The following CAMKK2 variants were observed in gnomAD, a reference collection of about 807,000 sequenced individuals.
CAMKK2 encodes calcium/calmodulin dependent protein kinase kinase 2.
In CAMKK2, 30 loss-of-function variants were observed where a neutral mutation model predicts 67.2. The ratio of observed to expected loss-of-function variants is 0.45; its 90% confidence interval spans 0.33 to 0.61. The LOEUF (loss-of-function observed/expected upper bound fraction) is 0.61, where lower values mean the gene tolerates loss of function less well. Among genes scored for constraint, CAMKK2 ranks in the 20% least tolerant of loss-of-function variants. The pLI is 0.02. For missense variants in CAMKK2, 643 were observed against 802.0 expected (o/e 0.80, Z 2.39); for synonymous variants, 322 against 326.2 (o/e 0.99, Z 0.14).
At chr12:121,286,301 T>G (rs1593495622) in intron 1 of CAMKK2, among the ~76,000 whole-genome samples, 1 of 152,174 alleles carries the variant, frequency 6.6e-6, no homozygotes, top group African/African-American at 2.4e-5. Context: ...CAACTTGACT[T>G]CCAACACTGC....
intron 5 of CAMKK2, among the ~76,000 whole-genome samples, chr12:121,265,353 AG>A (rs1894314805): frequency 1.5e-5 from 2 of 137,352 alleles, no homozygotes; most frequent in Non-Finnish European, 3.1e-5. Flanking sequence ...AGCTGGAGAG[AG>A]GGGAAAGTGG....
intron 7 of CAMKK2, among the ~76,000 whole-genome samples, chr12:121,256,532 A>G (rs1314506064): frequency 1.3e-5 from 2 of 152,000 alleles, no homozygotes; most frequent in Non-Finnish European, 2.9e-5. Context: ...AAAACCTCAT[A>G]CCCATTAGCA....
At chr12:121,251,341 G>T (rs550695351) in intron 11 of CAMKK2, among the ~76,000 whole-genome samples, 44 of 152,240 alleles carry the variant, frequency 2.9e-4, no homozygotes, top group Admixed American at 7.9e-4. Flanking sequence ...GTGTTCACTG[G>T]ACACTTCTTC....
chr12:121,249,543 C>T (rs534489789), intron 13 of CAMKK2, among the ~76,000 whole-genome samples: 2 of 152,296 alleles, frequency 1.3e-5, no homozygotes, highest in Admixed American at 1.3e-4. Flanking sequence ...CATCAGCCCA[C>T]GCCAATCAGA....
rs535748118 is a variant in CAMKK2 at position 121,245,293 on chromosome 12, C to T, written c.1453-53G>A. ...AGGCAACTGCTTGGCCATGTGGGGG[C>T]GATTCTGGGCAACATCCTCCCTCTT... On this transcript the variant is annotated intron_variant, in intron 14 of 16. Coordinates refer to ENST00000404169, the MANE Select transcript of CAMKK2 (RefSeq NM_001270485.2). This position sits in a 1 kb window ranked among gnomAD's most constrained non-coding sequence, Gnocchi z 5.8. 19 of 1,116,928 alleles carry T rather than the reference C, an allele frequency of 1.7e-5. No individual in the cohort carries two copies. The highest frequency in any genetic ancestry group is 1.9e-4 in the Middle Eastern group (1 of 5,144). The allele number at this position is 1,116,928 out of a possible 1,614,324, so 69.2% of individuals were successfully genotyped here.
At chr12:121,291,788 T>C (rs926306920) in intron 1 of CAMKK2, among the ~76,000 whole-genome samples, 2 of 151,202 alleles carry the variant, frequency 1.3e-5, no homozygotes, top group African/African-American at 4.8e-5. Context: ...CTGGGCATGG[T>C]GGCTCACGCC....
rs202020611 is a variant in CAMKK2, at chr12:121,263,812, C to T, written c.753G>A (p.Leu251=). The stretch of plus-strand genomic sequence containing the variant: ...GGCGCCTCCACCCTTTTACCTCCAC[C>T]AGCTTCACCACATTGGGGTGGTCCA... The part of the protein sequence containing the change: ...KKLDHPNVVK[L]VEVLDDPNED... The change falls in exon 6 of 17, where the codon CTG becomes CTA. Residue 251 remains leucine, a synonymous_variant. Coordinates refer to ENST00000404169, the MANE Select transcript of CAMKK2 (RefSeq NM_001270485.2). 4 of 1,606,978 alleles carry T rather than the reference C, an allele frequency of 2.5e-6. No homozygotes were observed. Among genetic ancestry groups the T allele is most frequent in the Non-Finnish European group, 3.4e-6 (4 of 1,174,952 alleles).
chr12:121,244,897 C>A (rs80070924), intron 15 of CAMKK2, among the ~76,000 whole-genome samples: 1,654 of 152,318 alleles, frequency 0.011, 37 homozygotes, highest in African/African-American at 0.037. Context: ...ACCAAGAGCC[C>A]CCCAGCTACA....
At chr12:121,263,705 G>A (rs911167501) in intron 6 of CAMKK2, 101 bp downstream of exon 6, 27 of 1,092,182 alleles carry the variant, frequency 2.5e-5, no homozygotes, top group African/African-American at 3.1e-5. Context: ...TGCAGTGAGC[G>A]GTCTGGTGTG....
chr12:121,250,637 T>TC (rs34889367), intron 11 of CAMKK2, among the ~76,000 whole-genome samples: 1,951 of 152,206 alleles, frequency 0.013, 42 homozygotes, highest in African/African-American at 0.044. Flanking sequence ...TCACTCCTCA[T>TC]CGTAGCACTT....
chr12:121,290,934 C>G (rs1566148667), intron 1 of CAMKK2, among the ~76,000 whole-genome samples: 1 of 152,194 alleles, frequency 6.6e-6, no homozygotes, highest in Non-Finnish European at 1.5e-5. Context: ...ATTCTCCTGC[C>G]TCAGCCTCCA....
At chr12:121,262,623 A>G (rs1893692685) in intron 6 of CAMKK2, among the ~76,000 whole-genome samples, 1 of 152,144 alleles carries the variant, frequency 6.6e-6, no homozygotes, top group African/African-American at 2.4e-5. Flanking sequence ...CAGTGGCACA[A>G]TCATGGCTCA....
chr12:121,288,500 G>A (rs1566142414), intron 1 of CAMKK2, among the ~76,000 whole-genome samples: 1 of 152,182 alleles, frequency 6.6e-6, no homozygotes, highest in Non-Finnish European at 1.5e-5. Context: ...ATATTTCTCT[G>A]CCAGAAGCCT....
chr12:121,280,680 A>G (rs1216082048), intron 1 of CAMKK2, among the ~76,000 whole-genome samples: 1 of 152,086 alleles, frequency 6.6e-6, no homozygotes, highest in Non-Finnish European at 1.5e-5. Context: ...CCCGGGGCGT[A>G]CCTGTCTCTT....
upstream of CAMKK2, chr12:121,297,670 C>A: frequency 1.9e-6 from 1 of 518,156 alleles, no homozygotes; most frequent in South Asian, 1.4e-5. Context: ...GGATGTCTCA[C>A]TGACCCTGCC....
chr12:121,252,814 G>C, intron 10 of CAMKK2, 100 bp from the exon 11 acceptor site: 1 of 1,203,048 alleles, frequency 8.3e-7, no homozygotes, highest in East Asian at 2.5e-5. Context: ...TCAGCCCTTG[G>C]AGTTGGGGCG....
At position 121,291,145 on chromosome 12, in the gene CAMKK2, C is replaced by T. The variant is rs948687694; in HGVS notation, c.-60+5493G>A. Reference sequence around the variant, plus strand: ...AGCAATGGGTTTAAATGGGGAGCCACGATTCTTGCAAGGGGTAGGTAAGGG... The same window carrying T: ...AGCAATGGGTTTAAATGGGGAGCCATGATTCTTGCAAGGGGTAGGTAAGGG... On this transcript the variant is annotated intron_variant, in intron 1 of 16. Coordinates refer to ENST00000404169, the MANE Select transcript of CAMKK2 (RefSeq NM_001270485.2). Among the ~76,000 whole-genome samples the T allele has an allele frequency of 2.0e-5, 3 of 152,260 alleles. No homozygotes were observed. In the South Asian group the frequency reaches 6.2e-4, roughly 32 times the overall value.
At chr12:121,259,441 G>A (rs77536238) in intron 7 of CAMKK2, among the ~76,000 whole-genome samples, 1,854 of 152,234 alleles carry the variant, frequency 0.012, 45 homozygotes, top group African/African-American at 0.042. Context: ...ACAAAGGCAC[G>A]CCTCAGAAAG....
intron 1 of CAMKK2, among the ~76,000 whole-genome samples, chr12:121,279,771 C>G (rs1476578640): frequency 6.6e-6 from 1 of 152,248 alleles, no homozygotes; most frequent in Non-Finnish European, 1.5e-5. Context: ...CAGGGCAGCT[C>G]ATCACGAGCC....
Sources: allele counts gnomAD v4.1 joint callset (sites outside exome capture counted in the v4.1 genomes callset), GRCh38; gene constraint gnomAD v4.1.1; non-coding constraint Gnocchi (gnomAD v3.1); transcripts MANE v1.5; gene names NCBI Gene and HGNC (gene_info 2026-07-23, HGNC 2026-07-21).